KLRD1: variants seen among roughly 807,000 people sequenced by gnomAD.
The protein encoded by KLRD1 is natural killer cells antigen CD94.
A neutral mutation model predicts 22.6 loss-of-function variants in KLRD1; 21 were observed. The observed-to-expected ratio is 0.93, with a 90% CI of 0.66 to 1.34. KLRD1 has a LOEUF of 1.34. Ranked by LOEUF, KLRD1 falls within the 40% of genes most tolerant of loss-of-function variation. The probability of loss-of-function intolerance (pLI) is 0.00; values close to 1 mark genes in which losing one functional copy is unlikely to be tolerated. For synonymous variants in KLRD1, 59 were observed against 71.1 expected, an observed-to-expected ratio of 0.83 and a Z score of 0.85; for missense variants, 183 against 208.6, an observed-to-expected ratio of 0.88 and a Z score of 0.76.
chr12:10,273,622 T>C (rs1949567931), intron 1 of KLRD1, among the ~76,000 whole-genome samples: 1 of 152,192 alleles, frequency 6.6e-6, no homozygotes, highest in South Asian at 2.1e-4. Context: ...CAAAAGCATA[T>C]AATTTCATTG....
Position 10,323,864 on chromosome 12 carries a change from CTTTTTT to C in KLRD1, c.*9081_*9086del, listed in dbSNP as rs3983613. 1 of 106,342 alleles carries C rather than the reference CTTTTTT, an allele frequency of 9.4e-6. No individual in the cohort carries two copies. Among genetic ancestry groups the C allele is most frequent in the Non-Finnish European group, 1.8e-5 (1 of 54,630 alleles). 6.6% of individuals were successfully genotyped at this position (106,342 alleles called of 1,614,324 possible). On this transcript the variant is annotated 3_prime_UTR_variant, in exon 6 of 6. Coordinates refer to ENST00000336164, the MANE Select transcript of KLRD1 (RefSeq NM_002262.5). The stretch of plus-strand genomic sequence containing the variant: ...TTCCCTTTTATTTCTTATTTCTTTC[CTTTTTT>C]TTTTTTTTTGAGACTGAGTATTGCT...
chr12:10,274,789 TG>T (rs1174075283), intron 1 of KLRD1, among the ~76,000 whole-genome samples: 2 of 152,222 alleles, frequency 1.3e-5, no homozygotes, highest in Non-Finnish European at 2.9e-5. Flanking sequence ...AAGAGTTTTT[TG>T]TTTTCTAAAC....
chr12:10,263,908 A>C (rs1427700154), intron 1 of KLRD1, among the ~76,000 whole-genome samples: 4 of 152,094 alleles, frequency 2.6e-5, no homozygotes, highest in African/African-American at 9.6e-5. Context: ...TTTTGTTCCC[A>C]AATTGGGTTA....
intron 1 of KLRD1, among the ~76,000 whole-genome samples, chr12:10,264,581 T>G (rs967470974): frequency 6.6e-6 from 1 of 152,086 alleles, no homozygotes; most frequent in African/African-American, 2.4e-5. Flanking sequence ...ACAACAATTG[T>G]GTATATTTAG....
At chr12:10,261,955 T>G (rs1160692513) in intron 1 of KLRD1, among the ~76,000 whole-genome samples, 2 of 152,146 alleles carry the variant, frequency 1.3e-5, no homozygotes, top group African/African-American at 2.4e-5. Context: ...TTAGTTTCTG[T>G]GTCTATGTGA....
chr12:10,295,194 T>C (rs2083032661), intron 1 of KLRD1, among the ~76,000 whole-genome samples: 1 of 152,256 alleles, frequency 6.6e-6, no homozygotes, highest in African/African-American at 2.4e-5. Context: ...ATGTGAACCA[T>C]GGCTGTTGCC....
At chr12:10,299,141 G>C (rs945392303) in intron 1 of KLRD1, among the ~76,000 whole-genome samples, 2 of 151,366 alleles carry the variant, frequency 1.3e-5, no homozygotes, top group Non-Finnish European at 2.9e-5. Flanking sequence ...CCAAGGTTCA[G>C]AGACAGTCTC....
chr12:10,260,585 G>A (rs1170897215), intron 1 of KLRD1, among the ~76,000 whole-genome samples: 1 of 151,496 alleles, frequency 6.6e-6, no homozygotes, highest in African/African-American at 2.4e-5. Context: ...GGTGGGTCAC[G>A]AGGTCAGGAA....
At position 10,317,184 on chromosome 12, in the gene KLRD1, G is replaced by C. The variant is rs554511725; in HGVS notation, c.*2391G>C. On this transcript the variant is annotated 3_prime_UTR_variant, in exon 6 of 6. Coordinates refer to ENST00000336164, the MANE Select transcript of KLRD1 (RefSeq NM_002262.5). ...TATTTTCTTTATCCAGTCTATCACT[G>C]ATGGGCATTTGGGTTGGTTCCAAGT... is the stretch of plus-strand genomic sequence containing the variant. 2 of 152,162 alleles carry C rather than the reference G, an allele frequency of 1.3e-5. No homozygotes were observed. Among genetic ancestry groups the C allele is most frequent in the Non-Finnish European group, 2.9e-5 (2 of 68,050 alleles). The allele number at this position is 152,162 out of a possible 1,614,324, so 9.4% of individuals were successfully genotyped here.
intron 1 of KLRD1, among the ~76,000 whole-genome samples, chr12:10,289,482 G>T (rs751528748): frequency 9.2e-4 from 140 of 152,290 alleles, no homozygotes; most frequent in Non-Finnish European, 1.8e-3. Flanking sequence ...AATGTATGTT[G>T]CTAATTCTGT....
intron 1 of KLRD1, among the ~76,000 whole-genome samples, chr12:10,295,455 G>A (rs1949812772): frequency 6.6e-6 from 1 of 151,774 alleles, no homozygotes; most frequent in African/African-American, 2.4e-5. Context: ...GTCATTTTCA[G>A]TTAGAGAGTA....
chr12:10,302,210 A>C (rs889001172), upstream of KLRD1, among the ~76,000 whole-genome samples: 1 of 152,230 alleles, frequency 6.6e-6, no homozygotes, highest in Non-Finnish European at 1.5e-5. Flanking sequence ...TACTTGACAT[A>C]AAGTTGCCAT....
At chr12:10,308,302 GAGTGGTTT>G in intron 1 of KLRD1, 1 of 539,910 alleles carries the variant, frequency 1.9e-6, no homozygotes, top group South Asian at 2.4e-5. Context: ...CAGGTTTGAA[GAGTGGTTT>G]CTGACAGGGC....
At chr12:10,287,579 G>A (rs1449844384) in intron 1 of KLRD1, among the ~76,000 whole-genome samples, 1 of 152,044 alleles carries the variant, frequency 6.6e-6, no homozygotes, top group South Asian at 2.1e-4. Context: ...CCTATAAATA[G>A]ATATTGTTAT....
At chr12:10,242,071 G>GTTTTT (rs72326980) in intron 1 of KLRD1, among the ~76,000 whole-genome samples, 54,089 of 98,936 alleles carry the variant, frequency 0.55, 16,933 homozygotes, top group Admixed American at 0.67. Flanking sequence ...TGTTCTTGCT[G>GTTTTT]TTTTTTTTTT....
intron 1 of KLRD1, among the ~76,000 whole-genome samples, chr12:10,291,789 C>T (rs1565461643): frequency 6.6e-6 from 1 of 152,020 alleles, no homozygotes. Context: ...CTCTCCTTCC[C>T]CTTGCCCCCC....
chr12:10,263,780 G>A (rs1469109265), intron 1 of KLRD1, among the ~76,000 whole-genome samples: 1 of 152,016 alleles, frequency 6.6e-6, no homozygotes, highest in Non-Finnish European at 1.5e-5. Flanking sequence ...GTATTGCTGA[G>A]TCGTTCCCTC....
intron 1 of KLRD1, among the ~76,000 whole-genome samples, chr12:10,281,308 C>T (rs1949639901): frequency 6.6e-6 from 1 of 152,068 alleles, no homozygotes; most frequent in Admixed American, 6.6e-5. Context: ...GATATTAGCT[C>T]CATAAGACTT....
Position 10,322,157 on chromosome 12 carries a change from A to G in KLRD1, c.*7364A>G, listed in dbSNP as rs1345234784. ...TGCCTCGCTGGTTCAAGCGATTCTC[A>G]TGCCTCAGCCTCCCCAGTAGCTGGG... On this transcript the variant is annotated 3_prime_UTR_variant, in exon 6 of 6. Coordinates refer to ENST00000336164, the MANE Select transcript of KLRD1 (RefSeq NM_002262.5). 6.6e-6 allele frequency: 1 copy of G among 152,236 alleles called. No homozygotes were observed. The highest frequency in any genetic ancestry group is 1.5e-5 in the Non-Finnish European group (1 of 68,152). 9.4% of individuals were successfully genotyped at this position (152,236 alleles called of 1,614,324 possible). A position where few individuals can be genotyped will look rare whatever the true frequency, so the allele number is the denominator to read the frequency against.
Sources: gnomAD v4.1 joint callset for allele counts (sites outside exome capture counted in the v4.1 genomes callset) on GRCh38, gnomAD v4.1.1 for gene constraint, MANE v1.5 for transcripts, NCBI Gene and HGNC (gene_info 2026-07-23, HGNC 2026-07-21) for gene names.